The following SLC25A26 variants were observed in gnomAD, a reference collection of about 807,000 sequenced individuals.
The protein encoded by SLC25A26 is solute carrier family 25 member 26, also known as mitochondrial S-adenosylmethionine carrier protein.
SLC25A26 carries 36 observed loss-of-function variants against 37.8 expected under a neutral mutation model. The observed-to-expected ratio is 0.95, with a 90% CI of 0.73 to 1.26. The LOEUF (loss-of-function observed/expected upper bound fraction) is 1.26, where lower values mean the gene tolerates loss of function less well. Among genes scored for constraint, SLC25A26 ranks in the 50% most tolerant of loss-of-function variants. SLC25A26 has a pLI of 0.00. For missense variants in SLC25A26, 390 were observed against 331.1 expected, an observed-to-expected ratio of 1.18 and a Z score of -1.38; for synonymous variants, 129 against 122.5, an observed-to-expected ratio of 1.05 and a Z score of -0.35.
Position 66,306,654 on chromosome 3 carries a change from C to G in SLC25A26, c.454-39710C>G, listed in dbSNP as rs187627447. 5.0e-3 allele frequency among the ~76,000 whole-genome samples: 761 copies of G among 152,244 alleles called. 10 individuals carry two copies. Among genetic ancestry groups the G allele is most frequent in the African/African-American group, 0.014 (563 of 41,556 alleles). On this transcript the variant is annotated intron_variant, in intron 5 of 9. Coordinates refer to ENST00000354883, the MANE Select transcript of SLC25A26 (RefSeq NM_001379210.1). Reference sequence around the variant, plus strand: ...GTATTTCTCCTAATGCTATCCATCCCCTTGCCCCCAGCCCCCAACAGGCCC... The same window carrying G: ...GTATTTCTCCTAATGCTATCCATCCGCTTGCCCCCAGCCCCCAACAGGCCC...
intron 5 of SLC25A26, among the ~76,000 whole-genome samples, chr3:66,334,125 T>C (rs2076041122): frequency 1.3e-5 from 2 of 152,332 alleles, no homozygotes; most frequent in East Asian, 3.9e-4. Context: ...AGAAGACCTA[T>C]AGGAGTGATA....
intron 1 of SLC25A26, among the ~76,000 whole-genome samples, chr3:66,152,867 T>G (rs909512393): frequency 1.3e-5 from 2 of 152,174 alleles, no homozygotes; most frequent in Non-Finnish European, 2.9e-5. Flanking sequence ...CATGGACCCT[T>G]GCCTTCAAGC....
chr3:66,236,599 T>TA lies in SLC25A26; in HGVS notation c.89_90insA (p.Lys31Ter), dbSNP rs1421839847. On this transcript the variant is annotated frameshift_variant, in exon 2 of 10. Coordinates refer to ENST00000354883, the MANE Select transcript of SLC25A26 (RefSeq NM_001379210.1). LOFTEE classifies it high-confidence loss of function. ...TTGATATTATTTCCTCTGGATACCA[T>TA]TAAAACCAGGCTGCAGAGTCCCCAA... 3.6e-5 allele frequency: 54 copies of TA among 1,519,130 alleles called. No individual in the cohort carries two copies. The allele number at this position is 1,519,130 out of a possible 1,614,324, so 94.1% of individuals were successfully genotyped here. A position where few individuals can be genotyped will look rare whatever the true frequency, so the allele number is the denominator to read the frequency against.
At chr3:66,244,866 A>G (rs1035866893) in intron 3 of SLC25A26, among the ~76,000 whole-genome samples, 4 of 151,970 alleles carry the variant, frequency 2.6e-5, no homozygotes, top group African/African-American at 9.7e-5. Flanking sequence ...AGTCCCAGCT[A>G]CTTGGGAGGC....
chr3:66,328,224 A>T (rs2075886091), intron 5 of SLC25A26, among the ~76,000 whole-genome samples: 1 of 152,170 alleles, frequency 6.6e-6, no homozygotes, highest in Non-Finnish European at 1.5e-5. Flanking sequence ...ATGAAAAGAG[A>T]ATAAAAGTCC....
intron 1 of SLC25A26, among the ~76,000 whole-genome samples, chr3:66,138,132 C>T (rs2106659842): frequency 6.6e-6 from 1 of 152,290 alleles, no homozygotes; most frequent in Admixed American, 6.5e-5. Context: ...CCATGATCGG[C>T]CCACATGAAC....
At chr3:66,161,138 A>G (rs2070352574) in intron 1 of SLC25A26, among the ~76,000 whole-genome samples, 1 of 151,360 alleles carries the variant, frequency 6.6e-6, no homozygotes, top group Non-Finnish European at 1.5e-5. Flanking sequence ...ATAGAAAAGG[A>G]TTCAATTTTT....
At chr3:66,256,954 A>AT in intron 3 of SLC25A26, among the ~76,000 whole-genome samples, 1 of 152,016 alleles carries the variant, frequency 6.6e-6, no homozygotes, top group Non-Finnish European at 1.5e-5. Flanking sequence ...ATTGATGATT[A>AT]TTTTTTTGCT....
At chr3:66,268,521 G>C (rs1228756933) in intron 5 of SLC25A26, among the ~76,000 whole-genome samples, 1 of 152,186 alleles carries the variant, frequency 6.6e-6, no homozygotes, top group Non-Finnish European at 1.5e-5. Context: ...CCTGTGAACT[G>C]ATGATTTGAA....
At chr3:66,329,834 A>T (rs1027002633) in intron 5 of SLC25A26, among the ~76,000 whole-genome samples, 1 of 152,100 alleles carries the variant, frequency 6.6e-6, no homozygotes, top group Non-Finnish European at 1.5e-5. Flanking sequence ...ATGTGCTGGG[A>T]TTATAGGCAT....
At chr3:66,276,358 C>G (rs764895768) in intron 5 of SLC25A26, among the ~76,000 whole-genome samples, 2 of 152,026 alleles carry the variant, frequency 1.3e-5, no homozygotes, top group South Asian at 4.1e-4. Flanking sequence ...CTGTTTGTGT[C>G]TTGCAGATAA....
chr3:66,197,358 G>C (rs942675542), intron 1 of SLC25A26, among the ~76,000 whole-genome samples: 1 of 152,046 alleles, frequency 6.6e-6, no homozygotes, highest in Non-Finnish European at 1.5e-5. Context: ...TCAAGGTTGG[G>C]TCATGGTGAA....
chr3:66,328,058 T>A (rs776793530), intron 5 of SLC25A26, among the ~76,000 whole-genome samples: 2 of 152,134 alleles, frequency 1.3e-5, no homozygotes, highest in Non-Finnish European at 2.9e-5. Flanking sequence ...GGTTTTATGG[T>A]CTCAGTGTTA....
chr3:66,155,728 G>A (rs2070273075), intron 1 of SLC25A26, among the ~76,000 whole-genome samples: 1 of 152,152 alleles, frequency 6.6e-6, no homozygotes, highest in Admixed American at 6.5e-5. Context: ...GGGACTAGGT[G>A]AAAAACTGAA....
At chr3:66,143,624 C>G (rs913239574) in intron 1 of SLC25A26, among the ~76,000 whole-genome samples, 7 of 152,204 alleles carry the variant, frequency 4.6e-5, no homozygotes, top group Non-Finnish European at 8.8e-5. Flanking sequence ...TGGTTCACGC[C>G]TGTAATCCCA....
chr3:66,141,565 T>C (rs28711943), intron 1 of SLC25A26, among the ~76,000 whole-genome samples: 31,951 of 151,806 alleles, frequency 0.21, 3,467 homozygotes, highest in South Asian at 0.27. Flanking sequence ...CAGGCTACAG[T>C]GCAGTGGCAT....
At chr3:66,294,486 G>T (rs2074829193) in intron 5 of SLC25A26, among the ~76,000 whole-genome samples, 1 of 152,076 alleles carries the variant, frequency 6.6e-6, no homozygotes, top group African/African-American at 2.4e-5. Flanking sequence ...AAGTGGTGTT[G>T]AATTTTATTG....
chr3:66,253,029 C>G (rs917574244), intron 3 of SLC25A26, among the ~76,000 whole-genome samples: 4 of 147,704 alleles, frequency 2.7e-5, no homozygotes, highest in Admixed American at 6.7e-5. Context: ...TAATGCCCCC[C>G]CCCCCCCATA....
chr3:66,300,127 T>C (rs1027837103), intron 5 of SLC25A26, among the ~76,000 whole-genome samples: 1 of 151,968 alleles, frequency 6.6e-6, no homozygotes, highest in Non-Finnish European at 1.5e-5. Context: ...TGTAAAAGGG[T>C]TTTTCATCCA....
Sources: gnomAD v4.1 joint callset for allele counts (sites outside exome capture counted in the v4.1 genomes callset) on GRCh38, gnomAD v4.1.1 for gene constraint, MANE v1.5 for transcripts, NCBI Gene and HGNC (gene_info 2026-07-23, HGNC 2026-07-21) for gene names.